Variants in SERBP1 observed in about 807,000 individuals in gnomAD.
SERBP1 encodes the protein SERPINE1 mRNA-binding protein 1.
A neutral mutation model predicts 50.2 loss-of-function variants in SERBP1; 6 were observed. The ratio of observed to expected loss-of-function variants is 0.12; its 90% confidence interval spans 0.07 to 0.24. The LOEUF (loss-of-function observed/expected upper bound fraction) is 0.24, where lower values mean the gene tolerates loss of function less well. Among genes scored for constraint, SERBP1 ranks in the 10% least tolerant of loss-of-function variants. The pLI is 1.00. For missense variants in SERBP1, 346 were observed against 524.9 expected (o/e 0.66, Z 3.33); for synonymous variants, 168 against 182.8 (o/e 0.92, Z 0.65).
rs551921885 is a variant in SERBP1, at chr1:67,408,483, T to C, written c.*4724A>G. 1.3e-5 allele frequency: 2 copies of C among 150,780 alleles called. No homozygotes were observed. The highest frequency in any genetic ancestry group is 2.9e-5 in the Non-Finnish European group (2 of 67,898). 9.3% of individuals were successfully genotyped at this position (150,780 alleles called of 1,614,324 possible). On this transcript the variant is annotated 3_prime_UTR_variant, in exon 8 of 8. Coordinates refer to ENST00000361219, the MANE Select transcript of SERBP1 (RefSeq NM_001018069.2). ...TGTGGGTAACTTTTTCCCTTCCATT[T>C]AGAAGTGAACAATTGGCTACCAGTT...
intron 6 of SERBP1, among the ~76,000 whole-genome samples, chr1:67,419,562 C>T (rs1270117960): frequency 2.0e-5 from 3 of 152,066 alleles, no homozygotes; most frequent in Non-Finnish European, 2.9e-5. Flanking sequence ...ATGGTATAGG[C>T]AGACAGTTTC....
intron 5 of SERBP1, among the ~76,000 whole-genome samples, chr1:67,422,355 T>C (rs1345618896): frequency 2.0e-5 from 3 of 151,152 alleles, no homozygotes; most frequent in African/African-American, 4.9e-5. Context: ...CTACTAAAAA[T>C]ACAAAATTAG....
At chr1:67,417,567 G>C (rs1358701634) in intron 6 of SERBP1, among the ~76,000 whole-genome samples, 1 of 151,734 alleles carries the variant, frequency 6.6e-6, no homozygotes, top group Non-Finnish European at 1.5e-5. Context: ...TTGGAATGCA[G>C]TGATGCTATC....
At chr1:67,429,307 T>A (rs975048103) in intron 1 of SERBP1, 1 of 152,164 alleles carries the variant, frequency 6.6e-6, no homozygotes. Flanking sequence ...TAATTCCCGC[T>A]CCTGGTTAAT....
chr1:67,425,333 G>T, intron 2 of SERBP1, 110 bp from the exon 3 acceptor site: 1 of 1,001,662 alleles, frequency 1.0e-6, no homozygotes, highest in Non-Finnish European at 1.4e-6. Context: ...AAAACCAATA[G>T]TTAAATACAT....
chr1:67,408,568 T>TAA lies in SERBP1; in HGVS notation c.*4638_*4639insTT, dbSNP rs1666710441. ...TTCTGTCCAAATGGGAATTCTAAGC[T>TAA]CAAAAAAAAAAAAAAAAAGATGCAA... On this transcript the variant is annotated 3_prime_UTR_variant, in exon 8 of 8. Transcript: ENST00000361219. 1 of 56,320 alleles carries TAA rather than the reference T, an allele frequency of 1.8e-5. No homozygotes were observed. The highest frequency in any genetic ancestry group is 5.3e-5 in the African/African-American group (1 of 18,952). 3.5% of individuals were successfully genotyped at this position (56,320 alleles called of 1,614,324 possible).
intron 1 of SERBP1, among the ~76,000 whole-genome samples, chr1:67,427,119 A>G (rs916130745): frequency 6.6e-6 from 1 of 151,188 alleles, no homozygotes; most frequent in African/African-American, 2.5e-5. Context: ...ATTTGCCCTA[A>G]CAACTATCTT....
chr1:67,423,623 A>G (rs1361123165), intron 5 of SERBP1, among the ~76,000 whole-genome samples: 1 of 152,130 alleles, frequency 6.6e-6, no homozygotes, highest in Non-Finnish European at 1.5e-5. Context: ...AGAAAAAAAA[A>G]AAAAAAGATA....
chr1:67,413,732 A>C (rs1666916867), intron 7 of SERBP1, among the ~76,000 whole-genome samples: 1 of 152,170 alleles, frequency 6.6e-6, no homozygotes, highest in South Asian at 2.1e-4. Flanking sequence ...AAAAACTACA[A>C]GTATTTGCAA....
chr1:67,415,408 A>G (rs936266213), intron 6 of SERBP1, 69 bp from the exon 7 acceptor site: 2 of 1,420,276 alleles, frequency 1.4e-6, no homozygotes, highest in African/African-American at 2.9e-5. Flanking sequence ...CTAAATAATG[A>G]GCTTTCTTCT....
At chr1:67,420,338 T>C (rs958960334) in intron 5 of SERBP1, 152 bp from the exon 6 acceptor site, 8 of 637,808 alleles carry the variant, frequency 1.3e-5, no homozygotes, top group Non-Finnish European at 2.1e-5. Context: ...CCTATGTAAC[T>C]AAGCAACTTG....
chr1:67,412,617 C>G lies in SERBP1; in HGVS notation c.*590G>C, dbSNP rs1666879369. On this transcript the variant is annotated 3_prime_UTR_variant, in exon 8 of 8. Transcript: ENST00000361219. Reference sequence around the variant, plus strand: ...ATAAAGATTTAGCATATATATATAACAGCTATCATGAGAAGTGAAAAAAGA... The same window carrying G: ...ATAAAGATTTAGCATATATATATAAGAGCTATCATGAGAAGTGAAAAAAGA... 6.6e-6 allele frequency: 1 copy of G among 152,588 alleles called. No homozygotes were observed. The highest frequency in any genetic ancestry group is 2.1e-4 in the South Asian group (1 of 4,838). 9.5% of individuals were successfully genotyped at this position (152,588 alleles called of 1,614,324 possible). A position where few individuals can be genotyped will look rare whatever the true frequency, so the allele number is the denominator to read the frequency against.
intron 5 of SERBP1, 130 bp downstream of exon 5, chr1:67,424,053 CTCTTTGAGGGATGAGGG>C (rs1667291625): frequency 1.4e-6 from 1 of 735,572 alleles, no homozygotes; most frequent in Non-Finnish European, 2.1e-6. Context: ...CTTTCAAATA[CTCTTTGAGGGATGAGGG>C]TACAGTAAGT....
chr1:67,430,360 C>T lies in SERBP1; in HGVS notation c.-60G>A, dbSNP rs933333995. 80 of 1,474,046 alleles carry T rather than the reference C, an allele frequency of 5.4e-5. No homozygotes were observed. The African/African-American group carries it at 1.1e-3, about 19-fold the overall frequency. 91.3% of individuals were successfully genotyped at this position (1,474,046 alleles called of 1,614,324 possible). A position where few individuals can be genotyped will look rare whatever the true frequency, so the allele number is the denominator to read the frequency against. Reference sequence around the variant, plus strand: ...GCAGCGGGCCGCGCCGAGCCAAGAGCGCCTGCTTCAGCTCTTCCCACAAGA... The same window carrying T: ...GCAGCGGGCCGCGCCGAGCCAAGAGTGCCTGCTTCAGCTCTTCCCACAAGA... On this transcript the variant is annotated 5_prime_UTR_variant, in exon 1 of 8. Coordinates refer to ENST00000361219, the MANE Select transcript of SERBP1 (RefSeq NM_001018069.2).
At position 67,415,453 on chromosome 1, in the gene SERBP1, G is replaced by A. The variant is rs1666974424; in HGVS notation, c.952-114C>T. The A allele has an allele frequency of 1.9e-5, 20 of 1,058,214 alleles. No individual in the cohort carries two copies. The South Asian group carries it at 2.1e-4, about 11-fold the overall frequency. 65.6% of individuals were successfully genotyped at this position (1,058,214 alleles called of 1,614,324 possible). ...CAAAAATCCAAACTGTACTTTCTGT[G>A]AACAAATGTCTCAATGCCTCCACAG... On this transcript the variant is annotated intron_variant, in intron 6 of 7. Coordinates refer to ENST00000361219, the MANE Select transcript of SERBP1 (RefSeq NM_001018069.2).
intron 5 of SERBP1, 71 bp downstream of exon 5, chr1:67,424,129 G>C (rs915310524): frequency 2.5e-5 from 37 of 1,483,184 alleles, no homozygotes; most frequent in Non-Finnish European, 3.1e-5. Flanking sequence ...TTAAATCTAT[G>C]GGTTATCTTA....
At chr1:67,414,074 G>C (rs570128784) in intron 7 of SERBP1, among the ~76,000 whole-genome samples, 3 of 152,012 alleles carry the variant, frequency 2.0e-5, no homozygotes, top group Admixed American at 1.3e-4. Flanking sequence ...ACAGGCGTGA[G>C]GCAGTGCGCC....
Position 67,407,821 on chromosome 1 carries a change from A to G in SERBP1, c.*5386T>C, listed in dbSNP as rs1254081192. On this transcript the variant is annotated 3_prime_UTR_variant, in exon 8 of 8. Transcript: ENST00000361219. ...TTCAATATACAAAGTTCCCAAAATA[A>G]AACAAAAATTTACTTGGACGTTATT... 2 of 152,196 alleles carry G rather than the reference A, an allele frequency of 1.3e-5. No individual in the cohort carries two copies. Among genetic ancestry groups the G allele is most frequent in the Non-Finnish European group, 2.9e-5 (2 of 68,024 alleles). 9.4% of individuals were successfully genotyped at this position (152,196 alleles called of 1,614,324 possible). A position where few individuals can be genotyped will look rare whatever the true frequency, so the allele number is the denominator to read the frequency against.
chr1:67,415,375 A>G, intron 6 of SERBP1, 36 bp from the exon 7 acceptor site: 1 of 1,496,640 alleles, frequency 6.7e-7, no homozygotes, highest in South Asian at 1.4e-5. Flanking sequence ...TGTTATTAGT[A>G]GAAAAGTAAC....
Sources: gnomAD v4.1 joint callset for allele counts (sites outside exome capture counted in the v4.1 genomes callset) on GRCh38, gnomAD v4.1.1 for gene constraint, MANE v1.5 for transcripts, NCBI Gene and HGNC (gene_info 2026-07-23, HGNC 2026-07-21) for gene names.